The following ZFHX3 variants were observed in gnomAD, a reference collection of about 807,000 sequenced individuals.
ZFHX3 encodes zinc finger homeobox 3, also known as zinc finger homeobox protein 3.
Under a neutral mutation model 279.1 loss-of-function variants are expected in ZFHX3, and 42 were observed. The ratio of observed to expected loss-of-function variants is 0.15; its 90% CI spans 0.12 to 0.19. The LOEUF (loss-of-function observed/expected upper bound fraction) is 0.19, where lower values mean the gene tolerates loss of function less well. Among genes scored for constraint, ZFHX3 ranks in the 10% least tolerant of loss-of-function variants. The pLI is 1.00. For synonymous variants in ZFHX3, 2,293 were observed against 1,957.8 expected, an observed-to-expected ratio of 1.17 and a Z score of -4.52; for missense variants, 4,981 against 4,754.0, an observed-to-expected ratio of 1.05 and a Z score of -1.40.
chr16:73,028,618 A>G (rs1022387967), intron 1 of ZFHX3, among the ~76,000 whole-genome samples: 4 of 152,164 alleles, frequency 2.6e-5, no homozygotes, highest in Non-Finnish European at 5.9e-5. Flanking sequence ...ACAGAATTCC[A>G]TCTCCAATAA....
intron 4 of ZFHX3, among the ~76,000 whole-genome samples, chr16:72,851,640 C>T (rs913973109): frequency 4.6e-5 from 7 of 152,012 alleles, no homozygotes; most frequent in African/African-American, 7.3e-5. Flanking sequence ...CTGCAACCTC[C>T]GCCTCCCGGG....
intron 3 of ZFHX3, among the ~76,000 whole-genome samples, chr16:72,940,213 T>G (rs934317573): frequency 2.0e-5 from 3 of 151,982 alleles, no homozygotes; most frequent in African/African-American, 7.3e-5. Flanking sequence ...CCAAACAAGT[T>G]TTTTAGTAAC....
chr16:73,189,013 G>GCTAC (rs1004332481), intron 5 of ZFHX3, among the ~76,000 whole-genome samples: 22 of 152,092 alleles, frequency 1.4e-4, no homozygotes, highest in African/African-American at 4.1e-4. Context: ...ACAGGCGCAA[G>GCTAC]CTACCACGCC....
intron 1 of ZFHX3, among the ~76,000 whole-genome samples, chr16:73,882,084 G>T (rs1567439132): frequency 1.3e-5 from 2 of 152,182 alleles, no homozygotes; most frequent in East Asian, 3.9e-4. Context: ...AGTGTAAAAC[G>T]GCATTAGTAA....
intron 2 of ZFHX3, among the ~76,000 whole-genome samples, chr16:73,671,652 G>C (rs2052905188): frequency 6.6e-6 from 1 of 152,180 alleles, no homozygotes. Context: ...AAAAGGAGTA[G>C]TCAATATTTT....
rs542605036 is a variant in ZFHX3 at position 73,277,969 on chromosome 16, C to T, written c.-1193-20833G>A. Among the ~76,000 whole-genome samples, 80 of 152,196 alleles carry T rather than the reference C, an allele frequency of 5.3e-4. 1 individual carries two copies. Among genetic ancestry groups the T allele is most frequent in the African/African-American group, 1.8e-3 (74 of 41,520 alleles). On this transcript the variant is annotated intron_variant, in intron 4 of 17. Coordinates refer to the ZFHX3 transcript ENST00000641206. ...TCTCATGAGAATTCACTTAATACCT[C>T]AATGATATTAGCAAGGGGAATATCT... is the stretch of plus-strand genomic sequence containing the variant.
intron 5 of ZFHX3, among the ~76,000 whole-genome samples, chr16:73,204,647 T>A (rs971872697): frequency 1.1e-4 from 17 of 152,164 alleles, no homozygotes; most frequent in Non-Finnish European, 2.9e-5. Flanking sequence ...CTGGTACCAG[T>A]CCCTGAGGGA....
intron 5 of ZFHX3, among the ~76,000 whole-genome samples, chr16:73,203,447 A>G (rs925837147): frequency 6.6e-6 from 1 of 152,228 alleles, no homozygotes; most frequent in Non-Finnish European, 1.5e-5. Flanking sequence ...CTCTCTTTCA[A>G]TAGAGCGTAA....
intron 3 of ZFHX3, among the ~76,000 whole-genome samples, chr16:73,347,813 A>G (rs114989676): frequency 9.9e-4 from 151 of 152,380 alleles, no homozygotes; most frequent in African/African-American, 3.4e-3. Flanking sequence ...CTCAAAGAGG[A>G]TTAAATTATA....
rs2052457437 is a variant in ZFHX3, at chr16:73,630,414, T to A, written c.-1547+49766A>T. On this transcript the variant is annotated intron_variant, in intron 2 of 17. Coordinates refer to the ZFHX3 transcript ENST00000641206. ...GCAAGCAAAATTAAATACATAGGGT[T>A]TCATATGTCAACTTCACCTTGCTAT... is the stretch of plus-strand genomic sequence containing the variant. 3.3e-5 allele frequency among the ~76,000 whole-genome samples: 5 copies of A among 152,308 alleles called. No individual in the cohort carries two copies. The South Asian group carries it at 1.0e-3, about 32-fold the overall frequency.
rs1280583413 is a variant in ZFHX3, at chr16:72,783,971, CTGCTT to C, written c.*3188_*3192del. 6.6e-6 allele frequency: 1 copy of C among 152,240 alleles called. No homozygotes were observed. The highest frequency in any genetic ancestry group is 1.5e-5 in the Non-Finnish European group (1 of 68,054). The allele number at this position is 152,240 out of a possible 1,614,324, so 9.4% of individuals were successfully genotyped here. ...GACCTCTAATGTTCACCATCACTGA[CTGCTT>C]TGCTACTTCTGGGTTAGTGCTGAGA... On this transcript the variant is annotated 3_prime_UTR_variant, in exon 10 of 10. Coordinates refer to ENST00000268489, the MANE Select transcript of ZFHX3 (RefSeq NM_006885.4).
chr16:73,602,603 A>T lies in ZFHX3; in HGVS notation c.-1547+77577T>A, dbSNP rs537989624. Among the ~76,000 whole-genome samples, 142 of 152,288 alleles carry T rather than the reference A, an allele frequency of 9.3e-4. 1 individual carries two copies. Among genetic ancestry groups the T allele is most frequent in the African/African-American group, 3.1e-3 (130 of 41,564 alleles). ...CAACCTCTATGAATTCCTAATTCTGACCACTTCCACTAAGTTTCTTTCACA... is the reference window on the plus strand; with the variant it reads ...CAACCTCTATGAATTCCTAATTCTGTCCACTTCCACTAAGTTTCTTTCACA... On this transcript the variant is annotated intron_variant, in intron 2 of 17. Transcript: ENST00000641206.
chr16:73,862,945 G>A (rs562224685), intron 1 of ZFHX3, among the ~76,000 whole-genome samples: 69 of 152,182 alleles, frequency 4.5e-4, no homozygotes, highest in African/African-American at 1.5e-3. Flanking sequence ...AGGAGTGGTG[G>A]CTCACACCTG....
intron 2 of ZFHX3, among the ~76,000 whole-genome samples, chr16:73,538,513 A>G (rs1432839769): frequency 7.2e-5 from 11 of 152,182 alleles, no homozygotes; most frequent in Non-Finnish European, 2.9e-5. Context: ...AAAGTCATGT[A>G]AGTTTTCTTT....
chr16:72,791,062 G>C (rs1203254314), intron 9 of ZFHX3: 1 of 152,162 alleles, frequency 6.6e-6, no homozygotes, highest in Admixed American at 6.5e-5. Flanking sequence ...AATCAGGCAA[G>C]GTACTTCATC....
At chr16:73,665,927 T>C (rs2052836670) in intron 2 of ZFHX3, among the ~76,000 whole-genome samples, 1 of 150,340 alleles carries the variant, frequency 6.7e-6, no homozygotes, top group South Asian at 2.1e-4. Context: ...GCCATTCTTC[T>C]GCCTCAACTT....
intron 2 of ZFHX3, among the ~76,000 whole-genome samples, chr16:73,532,497 T>C (rs1431850651): frequency 2.0e-5 from 3 of 152,134 alleles, no homozygotes; most frequent in Admixed American, 2.0e-4. Context: ...AATGGAGTAA[T>C]ATAGTAGTCA....
chr16:73,543,550 G>C (rs2143754901), intron 2 of ZFHX3, among the ~76,000 whole-genome samples: 1 of 152,284 alleles, frequency 6.6e-6, no homozygotes, highest in South Asian at 2.1e-4. Context: ...TGGTGTAAAG[G>C]GAGCAGCTGG....
At chr16:72,928,838 T>C (rs1245518863) in intron 3 of ZFHX3, among the ~76,000 whole-genome samples, 1 of 152,136 alleles carries the variant, frequency 6.6e-6, no homozygotes, top group Non-Finnish European at 1.5e-5. Context: ...GGTATGTGCC[T>C]GTAGTCCCAG....
Sources: gnomAD v4.1 joint callset for allele counts (sites outside exome capture counted in the v4.1 genomes callset) on GRCh38, gnomAD v4.1.1 for gene constraint, MANE v1.5 for transcripts, NCBI Gene and HGNC (gene_info 2026-07-23, HGNC 2026-07-21) for gene names.